BCKDHB: variants seen among roughly 807,000 people sequenced by gnomAD.
BCKDHB encodes 2-oxoisovalerate dehydrogenase subunit beta, mitochondrial.
BCKDHB carries 41 observed loss-of-function variants against 48.5 expected under a neutral mutation model. That is an observed-to-expected ratio of 0.85 (90% confidence interval 0.66 to 1.10). The LOEUF (loss-of-function observed/expected upper bound fraction) is 1.10. BCKDHB is among the 50% of genes least tolerant of loss of function. BCKDHB has a pLI of 0.00. For missense variants in BCKDHB, 496 were observed against 494.2 expected (o/e 1.00, Z -0.03); for synonymous variants, 201 against 174.8 (o/e 1.15, Z -1.18).
intron 8 of BCKDHB, among the ~76,000 whole-genome samples, chr6:80,228,382 A>T (rs79796693): frequency 2.0e-5 from 3 of 152,194 alleles, no homozygotes; most frequent in Admixed American, 1.3e-4. Flanking sequence ...TGGTACTCAG[A>T]TAAGTGTGGG....
the BCKDHB span, among the ~76,000 whole-genome samples, chr6:80,436,159 T>C: frequency 8.8e-6 from 1 of 113,958 alleles, no homozygotes; most frequent in African/African-American, 4.2e-5. Context: ...TTTTTTTTTT[T>C]TTTTTTTTTT....
the BCKDHB span, among the ~76,000 whole-genome samples, chr6:80,407,142 G>T: frequency 2.0e-5 from 3 of 152,036 alleles, no homozygotes; most frequent in African/African-American, 7.2e-5. Flanking sequence ...TTTTTGTCAG[G>T]TTTGTCAAAG....
At chr6:80,257,329 A>C (rs1562180482) in intron 8 of BCKDHB, among the ~76,000 whole-genome samples, 1 of 138,518 alleles carries the variant, frequency 7.2e-6, no homozygotes, top group African/African-American at 2.5e-5. Flanking sequence ...CTATGTGTGT[A>C]TATGTATCTA....
At chr6:80,296,239 A>T (rs1015567392) in intron 9 of BCKDHB, among the ~76,000 whole-genome samples, 8 of 152,198 alleles carry the variant, frequency 5.3e-5, no homozygotes, top group African/African-American at 1.4e-4. Flanking sequence ...CTGATTATAA[A>T]CCACCTTTTG....
At chr6:80,184,613 C>G (rs1424427243) in intron 6 of BCKDHB, among the ~76,000 whole-genome samples, 1 of 151,832 alleles carries the variant, frequency 6.6e-6, no homozygotes. Context: ...TTTAGAAGTT[C>G]TTGTAGTGCT....
At chr6:80,230,373 A>G (rs1195860481) in intron 8 of BCKDHB, among the ~76,000 whole-genome samples, 2 of 152,116 alleles carry the variant, frequency 1.3e-5, no homozygotes, top group East Asian at 3.9e-4. Context: ...ATTTAAAACT[A>G]TATATAAAAA....
At chr6:80,442,332 ACTTATATTATAGTAGACCAT>A in the BCKDHB span, among the ~76,000 whole-genome samples, 1 of 152,214 alleles carries the variant, frequency 6.6e-6, no homozygotes, top group Non-Finnish European at 1.5e-5. Flanking sequence ...ACCATATAAT[ACTTATATTATAGTAGACCAT>A]CCTATTTCAC....
intron 3 of BCKDHB, among the ~76,000 whole-genome samples, chr6:80,134,246 T>C (rs1770774138): frequency 6.6e-6 from 1 of 152,192 alleles, no homozygotes; most frequent in Non-Finnish European, 1.5e-5. Context: ...AACATGTGCC[T>C]TTTCATGGGA....
intron 3 of BCKDHB, among the ~76,000 whole-genome samples, chr6:80,130,198 A>G (rs567944541): frequency 3.9e-5 from 6 of 152,144 alleles, no homozygotes; most frequent in Non-Finnish European, 7.3e-5. Context: ...TGCTTTTGAC[A>G]TTTTATTTTT....
At chr6:80,306,268 A>G (rs1302124453) in intron 9 of BCKDHB, among the ~76,000 whole-genome samples, 1 of 152,220 alleles carries the variant, frequency 6.6e-6, no homozygotes, top group Non-Finnish European at 1.5e-5. Flanking sequence ...GATAAACACA[A>G]TAACATATTT....
chr6:80,279,973 G>A lies in BCKDHB; in HGVS notation c.1038+6752G>A, dbSNP rs1778129965. Among the ~76,000 whole-genome samples, 3 of 152,178 alleles carry A rather than the reference G, an allele frequency of 2.0e-5. No individual in the cohort carries two copies. The South Asian group carries it at 6.2e-4, about 31-fold the overall frequency. On this transcript the variant is annotated intron_variant, in intron 9 of 9. Transcript: ENST00000320393. ...AAGTATGAACTTGGTAGTGAAGGTA[G>A]GTGGGTATTTCAGGCAGAATGAACT...
chr6:80,218,002 C>G (rs1362337686), intron 8 of BCKDHB, among the ~76,000 whole-genome samples: 3 of 152,120 alleles, frequency 2.0e-5, no homozygotes, highest in African/African-American at 4.8e-5. Context: ...AGACATAGTG[C>G]ATGGTACTAT....
At chr6:80,129,103 T>G in intron 2 of BCKDHB, 58 bp from the exon 3 acceptor site, 3 of 1,211,810 alleles carry the variant, frequency 2.5e-6, no homozygotes, top group Non-Finnish European at 3.6e-6. Flanking sequence ...TATTTCTCAT[T>G]GTTAGTATTA....
At position 80,201,250 on chromosome 6, in the gene BCKDHB, T is replaced by A. The variant is rs139383889; in HGVS notation, c.840+219T>A. ...GGTATATATGTGATGATTTGATATATGCATACATTGTGAAATGATTGCCAT... is the reference window on the plus strand; with the variant it reads ...GGTATATATGTGATGATTTGATATAAGCATACATTGTGAAATGATTGCCAT... On this transcript the variant is annotated intron_variant, in intron 7 of 9. Transcript: ENST00000320393. Among the ~76,000 whole-genome samples the A allele has an allele frequency of 1.6e-3, 240 of 152,328 alleles. 2 individuals are homozygous for A. Among genetic ancestry groups the A allele is most frequent in the African/African-American group, 5.3e-3 (221 of 41,578 alleles).
At chr6:80,210,856 A>G (rs1366121152) in intron 8 of BCKDHB, among the ~76,000 whole-genome samples, 1 of 152,166 alleles carries the variant, frequency 6.6e-6, no homozygotes, top group African/African-American at 2.4e-5. Flanking sequence ...GGTTAGGGTT[A>G]TGGGCTTTAA....
intron 3 of BCKDHB, among the ~76,000 whole-genome samples, chr6:80,158,445 G>T (rs1297337580): frequency 6.6e-6 from 1 of 152,102 alleles, no homozygotes; most frequent in Non-Finnish European, 1.5e-5. Context: ...GAAGAATATT[G>T]TTGTAGGATA....
At chr6:80,416,224 A>G in the BCKDHB span, among the ~76,000 whole-genome samples, 1 of 144,780 alleles carries the variant, frequency 6.9e-6, no homozygotes, top group Non-Finnish European at 1.5e-5. Context: ...CAGTCCCTGG[A>G]TTTATTGATC....
At chr6:80,432,286 G>T in the BCKDHB span, among the ~76,000 whole-genome samples, 2 of 152,136 alleles carry the variant, frequency 1.3e-5, no homozygotes, top group African/African-American at 4.8e-5. Context: ...TTCCAACTTG[G>T]TTACATTCTG....
the BCKDHB span, among the ~76,000 whole-genome samples, chr6:80,423,981 C>A: frequency 6.6e-6 from 1 of 152,140 alleles, no homozygotes; most frequent in Non-Finnish European, 1.5e-5. Context: ...CAGTTGCTAT[C>A]AGTTCTGGAA....
Sources: allele counts gnomAD v4.1 joint callset (sites outside exome capture counted in the v4.1 genomes callset), GRCh38; gene constraint gnomAD v4.1.1; transcripts MANE v1.5; gene names NCBI Gene and HGNC (gene_info 2026-07-23, HGNC 2026-07-21).